Variants in GALNT13 observed in about 807,000 individuals in gnomAD.
The protein encoded by GALNT13 is polypeptide N-acetylgalactosaminyltransferase 13.
A neutral mutation model predicts 64.2 loss-of-function variants in GALNT13; 28 were observed. The observed-to-expected ratio is 0.44, with a 90% CI of 0.32 to 0.60. The LOEUF is 0.60. GALNT13 is among the 20% of genes least tolerant of loss of function. The probability of loss-of-function intolerance (pLI) is 0.05; values close to 1 mark genes in which losing one functional copy is unlikely to be tolerated. For synonymous variants in GALNT13, 214 were observed against 224.6 expected (o/e 0.95, Z 0.42); for missense variants, 577 against 669.8 (o/e 0.86, Z 1.53).
chr2:153,702,992 T>C, the GALNT13 span, among the ~76,000 whole-genome samples: 1 of 152,014 alleles, frequency 6.6e-6, no homozygotes, highest in Non-Finnish European at 1.5e-5. Context: ...ACAGATGCCA[T>C]TGAAGTAAGA....
chr2:153,991,115 CT>C (rs1695129733), intron 3 of GALNT13, among the ~76,000 whole-genome samples: 1 of 152,160 alleles, frequency 6.6e-6, no homozygotes. Context: ...TCAGCAAAAC[CT>C]TCTCCACCAG....
chr2:153,231,257 A>G, the GALNT13 span, among the ~76,000 whole-genome samples: 1 of 152,152 alleles, frequency 6.6e-6, no homozygotes, highest in African/African-American at 2.4e-5. Flanking sequence ...AGAATTTTGA[A>G]ATTTGAACTC....
At chr2:153,767,092 C>T in the GALNT13 span, among the ~76,000 whole-genome samples, 1 of 152,130 alleles carries the variant, frequency 6.6e-6, no homozygotes, top group Non-Finnish European at 1.5e-5. Context: ...TTTCAAAACT[C>T]ACCCCATATC....
the GALNT13 span, among the ~76,000 whole-genome samples, chr2:153,594,320 A>T: frequency 6.6e-6 from 1 of 152,142 alleles, no homozygotes; most frequent in Non-Finnish European, 1.5e-5. Flanking sequence ...TTACATTTTG[A>T]TTAAAAATTC....
chr2:154,341,716 G>C (rs994156545), intron 9 of GALNT13, among the ~76,000 whole-genome samples: 2 of 147,188 alleles, frequency 1.4e-5, no homozygotes, highest in Non-Finnish European at 3.1e-5. Context: ...ATTATCTCCT[G>C]TTCTGGAAAA....
intron 3 of GALNT13, among the ~76,000 whole-genome samples, chr2:153,970,474 A>T (rs926432106): frequency 3.9e-5 from 6 of 152,158 alleles, no homozygotes; most frequent in African/African-American, 1.4e-4. Context: ...AGGAAGCAGA[A>T]TTAGATTTAT....
chr2:154,046,236 G>T (rs1699277575), intron 3 of GALNT13, among the ~76,000 whole-genome samples: 1 of 152,156 alleles, frequency 6.6e-6, no homozygotes, highest in African/African-American at 2.4e-5. Flanking sequence ...GAAGCAGGAG[G>T]ATTGCTGTAG....
the GALNT13 span, among the ~76,000 whole-genome samples, chr2:153,550,050 A>G: frequency 6.6e-6 from 1 of 152,180 alleles, no homozygotes; most frequent in Non-Finnish European, 1.5e-5. Flanking sequence ...CCAAAGAGGA[A>G]GATATTGACT....
At chr2:153,434,252 C>T in the GALNT13 span, among the ~76,000 whole-genome samples, 1 of 152,078 alleles carries the variant, frequency 6.6e-6, no homozygotes, top group East Asian at 1.9e-4. Flanking sequence ...GGGTTGGTTC[C>T]AAGTCTTTGC....
chr2:153,905,999 A>G (rs6722741), intron 2 of GALNT13, among the ~76,000 whole-genome samples: 109,091 of 151,752 alleles, frequency 0.72, 39,552 homozygotes, highest in East Asian at 0.96. Flanking sequence ...GAGCAGAGCC[A>G]TGGGAAATTT....
chr2:154,327,905 A>G (rs1357936211), intron 9 of GALNT13, among the ~76,000 whole-genome samples: 1 of 152,114 alleles, frequency 6.6e-6, no homozygotes, highest in Non-Finnish European at 1.5e-5. Context: ...TTCAAATTTT[A>G]TCAATTGTCA....
chr2:154,417,489 T>TTTTATTTA (rs59851032), intron 11 of GALNT13, among the ~76,000 whole-genome samples: 24,193 of 132,060 alleles, frequency 0.18, 2,517 homozygotes, highest in South Asian at 0.29. Context: ...CTTGCCATGC[T>TTTTATTTA]TTTATTTATT....
At chr2:153,922,021 A>G (rs1689792816) in intron 2 of GALNT13, among the ~76,000 whole-genome samples, 1 of 152,218 alleles carries the variant, frequency 6.6e-6, no homozygotes, top group Non-Finnish European at 1.5e-5. Flanking sequence ...AATGACATAT[A>G]GAAAAAAATC....
At chr2:154,126,627 T>TC (rs1682287256) in intron 3 of GALNT13, among the ~76,000 whole-genome samples, 1 of 138,846 alleles carries the variant, frequency 7.2e-6, no homozygotes, top group Admixed American at 7.4e-5. Flanking sequence ...AGAGCGAGAC[T>TC]CCGTCTCAAA....
the GALNT13 span, among the ~76,000 whole-genome samples, chr2:153,387,378 AC>A: frequency 6.6e-6 from 1 of 152,038 alleles, no homozygotes. Context: ...AAAAATATCC[AC>A]CAATGGGTAC....
At chr2:153,562,060 C>CTCTCTCTGTGTGTG in the GALNT13 span, among the ~76,000 whole-genome samples, 1 of 118,902 alleles carries the variant, frequency 8.4e-6, no homozygotes, top group African/African-American at 3.8e-5. Context: ...CTCTCTCTCT[C>CTCTCTCTGTGTGTG]TGTGTGTGTG....
the GALNT13 span, among the ~76,000 whole-genome samples, chr2:153,840,613 T>G: frequency 6.6e-6 from 1 of 152,204 alleles, no homozygotes; most frequent in Non-Finnish European, 1.5e-5. Flanking sequence ...AGAAATGCAT[T>G]ATAAAGGCAG....
the GALNT13 span, among the ~76,000 whole-genome samples, chr2:153,592,314 A>G: frequency 6.6e-6 from 1 of 152,188 alleles, no homozygotes; most frequent in Non-Finnish European, 1.5e-5. Flanking sequence ...CTGTAACTCA[A>G]TCCAGCAATT....
At chr2:153,241,407 C>T in the GALNT13 span, among the ~76,000 whole-genome samples, 20 of 152,180 alleles carry the variant, frequency 1.3e-4, no homozygotes, top group Non-Finnish European at 1.8e-4. Flanking sequence ...ATGGAAAATG[C>T]TAATTTTGTT....
Sources: allele counts gnomAD v4.1 joint callset (sites outside exome capture counted in the v4.1 genomes callset), GRCh38; gene constraint gnomAD v4.1.1; transcripts MANE v1.5; gene names NCBI Gene and HGNC (gene_info 2026-07-23, HGNC 2026-07-21).